HERC2: variants seen among roughly 807,000 people sequenced by gnomAD.
HERC2 encodes E3 ubiquitin-protein ligase HERC2.
Under a neutral mutation model 537.7 loss-of-function variants are expected in HERC2, and 102 were observed. The ratio of observed to expected loss-of-function variants is 0.19; its 90% CI spans 0.16 to 0.22. The LOEUF is 0.22. Ranked by LOEUF, HERC2 falls within the 10% of genes least tolerant of loss-of-function variation. The pLI, the probability that HERC2 is intolerant of heterozygous loss-of-function variation, is 1.00. For missense variants in HERC2, 4,236 were observed against 6,198.2 expected, an observed-to-expected ratio of 0.68 and a Z score of 10.63; for synonymous variants, 2,224 against 2,466.2, an observed-to-expected ratio of 0.90 and a Z score of 2.91.
chr15:28,166,296 A>G (rs1332011009), intron 68 of HERC2, among the ~76,000 whole-genome samples: 3 of 152,246 alleles, frequency 2.0e-5, no homozygotes, highest in Admixed American at 6.5e-5. Flanking sequence ...ATCTAGCAAC[A>G]TATAAAAGCA....
chr15:28,304,181 A>AAC (rs1349278649), intron 2 of HERC2, among the ~76,000 whole-genome samples: 2 of 150,942 alleles, frequency 1.3e-5, no homozygotes, highest in African/African-American at 4.8e-5. Context: ...AAAAAAAAAA[A>AAC]AAAAAAAAAA....
intron 39 of HERC2, among the ~76,000 whole-genome samples, chr15:28,215,044 T>G (rs1276662520): frequency 1.3e-5 from 2 of 152,058 alleles, no homozygotes; most frequent in Admixed American, 6.5e-5. Context: ...CCGGCTCATT[T>G]TTTTTTGGAT....
intron 65 of HERC2, among the ~76,000 whole-genome samples, chr15:28,172,047 C>G (rs1429740773): frequency 1.3e-5 from 2 of 150,906 alleles, no homozygotes; most frequent in African/African-American, 4.9e-5. Context: ...TGCACTCCAG[C>G]CTGGCGACAG....
intron 26 of HERC2, among the ~76,000 whole-genome samples, chr15:28,236,254 CTTATTA>C: frequency 6.6e-6 from 1 of 151,998 alleles, no homozygotes; most frequent in Non-Finnish European, 1.5e-5. Flanking sequence ...TCTCACTATC[CTTATTA>C]TTATTATTTT....
Position 28,176,331 on chromosome 15 carries a change from C to G in HERC2, c.9686+97G>C. 9.2e-7 allele frequency: 1 copy of G among 1,084,406 alleles called. No individual in the cohort carries two copies. The highest frequency in any genetic ancestry group is 1.5e-5 in the South Asian group (1 of 68,898). 67.2% of individuals were successfully genotyped at this position (1,084,406 alleles called of 1,614,324 possible). On this transcript the variant is annotated intron_variant, in intron 63 of 92. Transcript: ENST00000261609. This position sits in a 1 kb window ranked among gnomAD's most constrained non-coding sequence, Gnocchi z 5.0. ...TGCATGCATAAGTAAAAAGAGGACACGTCACAATCACGCCGGGTGAGCCTG... is the reference window on the plus strand; with the variant it reads ...TGCATGCATAAGTAAAAAGAGGACAGGTCACAATCACGCCGGGTGAGCCTG...
intron 52 of HERC2, among the ~76,000 whole-genome samples, chr15:28,193,071 A>G (rs1897000805): frequency 1.3e-5 from 2 of 152,202 alleles, no homozygotes; most frequent in Admixed American, 6.5e-5. Flanking sequence ...TTGGAGAACA[A>G]TAACATCTTA....
In HERC2 at chr15:28,211,085, C is replaced by T. The variant is rs1157762044; in HGVS notation, c.6986G>A (p.Gly2329Asp). ...QQLKLYILKA[G>D]RALLSHQDKL... is the part of the protein sequence containing the mutation. ...ATCCTGGTGGGAGAGCAGCGCCCGA[C>T]CTGCTTTCAGGATGTATAGCTTCAA... Residue 2329 changes from glycine to aspartate, a missense_variant, in exon 44 of 93, where the codon GGT becomes GAT. By Grantham distance (94) the Gly-to-Asp change is moderately conservative. Around this residue, in one of 27 missense-constraint regions of HERC2, gnomAD observed 67 missense variants for 140.1 expected, o/e 0.48. Coordinates refer to ENST00000261609, the MANE Select transcript of HERC2 (RefSeq NM_004667.6). The T allele has an allele frequency of 1.2e-6, 2 of 1,611,776 alleles. No homozygotes were observed. The highest frequency in any genetic ancestry group is 8.5e-7 in the Non-Finnish European group (1 of 1,179,654).
At chr15:28,277,653 A>G (rs1276034452) in intron 5 of HERC2, among the ~76,000 whole-genome samples, 2 of 152,140 alleles carry the variant, frequency 1.3e-5, no homozygotes, top group African/African-American at 2.4e-5. Flanking sequence ...CAGTGCTTGG[A>G]CAATCTTAGC....
intron 2 of HERC2, among the ~76,000 whole-genome samples, chr15:28,308,373 G>A (rs958432847): frequency 6.6e-6 from 1 of 152,224 alleles, no homozygotes; most frequent in African/African-American, 2.4e-5. Context: ...TTGGCACACA[G>A]AAATGCTACT....
At chr15:28,245,560 A>T (rs79245957) in intron 23 of HERC2, among the ~76,000 whole-genome samples, 10,692 of 97,190 alleles carry the variant, frequency 0.11, 383 homozygotes, top group African/African-American at 0.18. Flanking sequence ...AAAAAAAAAA[A>T]ATATATACAC....
chr15:28,139,535 G>T (rs137892609), intron 78 of HERC2, among the ~76,000 whole-genome samples: 82 of 152,330 alleles, frequency 5.4e-4, no homozygotes, highest in African/African-American at 1.9e-3. Context: ...GGAGGACGGA[G>T]CTATGCTGCA....
chr15:28,295,909 C>T (rs568357477), intron 3 of HERC2, among the ~76,000 whole-genome samples: 21 of 152,176 alleles, frequency 1.4e-4, no homozygotes, highest in African/African-American at 3.9e-4. Context: ...ATAGGGTCCA[C>T]TGAGACCTTA....
At chr15:28,209,347 T>G (rs1898853650) in intron 44 of HERC2, among the ~76,000 whole-genome samples, 1 of 152,062 alleles carries the variant, frequency 6.6e-6, no homozygotes, top group Non-Finnish European at 1.5e-5. Flanking sequence ...TTATTTTTAT[T>G]TATTTATTTT....
Position 28,201,475 on chromosome 15 carries a change from T to C in HERC2, c.7697A>G (p.Tyr2566Cys). The change falls in exon 48 of 93, where the codon TAT becomes TGT. Residue 2566 changes from tyrosine to cysteine, a missense_variant. By Grantham distance (194) the Tyr-to-Cys change is radical (BLOSUM62 -2). This residue lies in a region of HERC2 where 606 missense variants were observed against 884.5 expected (regional missense o/e 0.69). Transcript: ENST00000261609. ...DFLSNDDYAV[Y>C]VRENIQVGMM... ...ACTCACCTGAATATTCTCTCTCACA[T>C]ATACAGCATAATCATCATTACTCAA... 1 of 1,606,216 alleles carries C rather than the reference T, an allele frequency of 6.2e-7. No individual in the cohort carries two copies. The highest frequency in any genetic ancestry group is 8.5e-7 in the Non-Finnish European group (1 of 1,172,838).
intron 66 of HERC2, among the ~76,000 whole-genome samples, chr15:28,168,828 C>G (rs1343496662): frequency 6.6e-6 from 1 of 152,220 alleles, no homozygotes; most frequent in Non-Finnish European, 1.5e-5. Context: ...GAAAAACTGC[C>G]AAACATAAAA....
chr15:28,137,192 CAG>C (rs1002035174), intron 78 of HERC2, among the ~76,000 whole-genome samples: 10 of 152,142 alleles, frequency 6.6e-5, no homozygotes, highest in African/African-American at 2.4e-4. Flanking sequence ...TGAAAAGAAA[CAG>C]AATTCTCCTG....
chr15:28,206,679 A>G (rs1355899006), intron 44 of HERC2, among the ~76,000 whole-genome samples: 1 of 151,442 alleles, frequency 6.6e-6, no homozygotes, highest in African/African-American at 2.4e-5. Context: ...TAAAAATACA[A>G]AACATTAGCT....
At chr15:28,221,982 G>A (rs1217992208) in intron 36 of HERC2, 46 bp downstream of exon 36, 12 of 1,039,462 alleles carry the variant, frequency 1.2e-5, no homozygotes, top group Non-Finnish European at 1.8e-5. Context: ...CTGTGCAGAA[G>A]ATAACTAATG....
rs1009993792 is a variant in HERC2, at chr15:28,255,898, G to T, written c.2845C>A (p.His949Asn). The T allele has an allele frequency of 1.5e-5, 24 of 1,601,406 alleles. No individual in the cohort carries two copies. The highest frequency in any genetic ancestry group is 1.9e-5 in the Non-Finnish European group (23 of 1,179,798). The change falls in exon 19 of 93, where the codon CAC becomes AAC. Residue 949 changes from histidine (H) to asparagine (N), a missense_variant. His to Asn is a moderately conservative substitution (Grantham distance 68, BLOSUM62 1). Transcript: ENST00000261609. The part of the protein sequence containing the change: ...MADGGLESAL[H>N]AAITAEIQDI... The stretch of plus-strand genomic sequence containing the variant: ...TGGATCTCTGCAGTAATGGCTGCGT[G>T]TAAGGCTGACTCCAACCCTCCATCA...
Sources: gnomAD v4.1 joint callset for allele counts (sites outside exome capture counted in the v4.1 genomes callset) on GRCh38, gnomAD v4.1.1 for gene constraint, gnomAD v4.1.1 regional missense constraint, Gnocchi (gnomAD v3.1) non-coding constraint, MANE v1.5 for transcripts, NCBI Gene and HGNC (gene_info 2026-07-23, HGNC 2026-07-21) for gene names.